Variants in PGR observed in about 807,000 individuals in gnomAD.
The protein encoded by PGR is progesterone receptor, also known as nuclear receptor subfamily 3 group C member 3.
Under a neutral mutation model 76.1 loss-of-function variants are expected in PGR, and 25 were observed. The ratio of observed to expected loss-of-function variants is 0.33; its 90% CI spans 0.24 to 0.46. PGR has a LOEUF of 0.46. PGR is among the 20% of genes least tolerant of loss of function. The pLI is 1.00. For synonymous variants in PGR, 579 were observed against 535.0 expected, an observed-to-expected ratio of 1.08 and a Z score of -1.14; for missense variants, 1,172 against 1,225.3, an observed-to-expected ratio of 0.96 and a Z score of 0.65.
In PGR at chr11:101,062,333, T is replaced by C. The variant is rs961874177; in HGVS notation, c.2212+114A>G. On this transcript the variant is annotated intron_variant, in intron 4 of 7. Coordinates refer to ENST00000325455, the MANE Select transcript of PGR (RefSeq NM_000926.4). ...AACTGCTCAAACACATACTATCACATACTGTTTTATATTGTAGTTAATTTA... is the reference window on the plus strand; with the variant it reads ...AACTGCTCAAACACATACTATCACACACTGTTTTATATTGTAGTTAATTTA... 5 of 801,046 alleles carry C rather than the reference T, an allele frequency of 6.2e-6. No homozygotes were observed. The East Asian group carries it at 1.1e-4, about 17-fold the overall frequency. 49.6% of individuals were successfully genotyped at this position (801,046 alleles called of 1,614,324 possible).
chr11:101,037,509 TAAG>T lies in PGR; in HGVS notation c.*1604_*1606del, dbSNP rs1859550097. 1 of 227,158 alleles carries T rather than the reference TAAG, an allele frequency of 4.4e-6. No individual in the cohort carries two copies. Among genetic ancestry groups the T allele is most frequent in the African/African-American group, 2.2e-5 (1 of 45,070 alleles). 14.1% of individuals were successfully genotyped at this position (227,158 alleles called of 1,614,324 possible). A position where few individuals can be genotyped will look rare whatever the true frequency, so the allele number is the denominator to read the frequency against. ...AAAACAATTTAAGGCTACATAAACA[TAAG>T]AAATAATTGTTTTGTGGAATTTTGC... is the stretch of plus-strand genomic sequence containing the variant. On this transcript the variant is annotated 3_prime_UTR_variant, in exon 8 of 8. Transcript: ENST00000325455.
At chr11:101,116,978 G>C (rs948429436) in intron 2 of PGR, among the ~76,000 whole-genome samples, 2 of 151,894 alleles carry the variant, frequency 1.3e-5, no homozygotes, top group African/African-American at 4.8e-5. Context: ...TCATTGCAAG[G>C]GTATACCACA....
intron 2 of PGR, among the ~76,000 whole-genome samples, chr11:101,115,170 C>T (rs966011294): frequency 2.6e-5 from 4 of 152,064 alleles, no homozygotes; most frequent in Non-Finnish European, 4.4e-5. Flanking sequence ...AATTGTCCTT[C>T]TGCTCAGTCT....
At chr11:101,124,108 G>T (rs144843450) in intron 2 of PGR, among the ~76,000 whole-genome samples, 2 of 152,166 alleles carry the variant, frequency 1.3e-5, no homozygotes, top group African/African-American at 4.8e-5. Context: ...CTAGTTTCAT[G>T]AATGATTTAT....
rs1353967419 is a variant in PGR at position 101,128,177 on chromosome 11, G to A, written c.894C>T (p.Thr298=). Residue 298 remains threonine (T), a synonymous_variant, in exon 1 of 8, where the codon ACC becomes ACT. Coordinates refer to ENST00000325455, the MANE Select transcript of PGR (RefSeq NM_000926.4). ...PMAPGRSPLA[T]TVMDFIHVPI... is the part of the protein sequence containing the mutation. ...GCACGTGGATGAAATCCATCACCGTGGTGGCCAGCGGGGAGCGCCCGGGCG... is the reference window on the plus strand; with the variant it reads ...GCACGTGGATGAAATCCATCACCGTAGTGGCCAGCGGGGAGCGCCCGGGCG... The A allele has an allele frequency of 6.3e-7, 1 of 1,598,446 alleles. No homozygotes were observed. Among genetic ancestry groups the A allele is most frequent in the South Asian group, 1.1e-5 (1 of 91,082 alleles).
chr11:101,082,181 T>C (rs1038710132), intron 3 of PGR, among the ~76,000 whole-genome samples: 6 of 152,196 alleles, frequency 3.9e-5, no homozygotes, highest in Non-Finnish European at 5.9e-5. Flanking sequence ...GCTTCCCATT[T>C]GCCTTCCACC....
rs1413863749 is a variant in PGR at position 101,039,077 on chromosome 11, T to C, written c.*39A>G. On this transcript the variant is annotated 3_prime_UTR_variant, in exon 8 of 8. Coordinates refer to ENST00000325455, the MANE Select transcript of PGR (RefSeq NM_000926.4). ...TAATCCTGACCAAAACAAAAAGACA[T>C]ACCACAAAATTTAATTCTTTAAAAG... 1 of 1,550,276 alleles carries C rather than the reference T, an allele frequency of 6.5e-7. No individual in the cohort carries two copies. Among genetic ancestry groups the C allele is most frequent in the Admixed American group, 1.7e-5 (1 of 59,580 alleles).
chr11:101,033,406 T>A lies in PGR; in HGVS notation c.*5710A>T, dbSNP rs1859410824. 5.2e-6 allele frequency: 1 copy of A among 192,262 alleles called. No individual in the cohort carries two copies. Among genetic ancestry groups the A allele is most frequent in the East Asian group, 8.3e-5 (1 of 12,100 alleles). 11.9% of individuals were successfully genotyped at this position (192,262 alleles called of 1,614,324 possible). A position where few individuals can be genotyped will look rare whatever the true frequency, so the allele number is the denominator to read the frequency against. On this transcript the variant is annotated 3_prime_UTR_variant, in exon 8 of 8. Transcript: ENST00000325455. ...CCCTTAGAAAAAGATAACTTAATTGTATGTAATATATTATGACCCCAAAGC... is the reference window on the plus strand; with the variant it reads ...CCCTTAGAAAAAGATAACTTAATTGAATGTAATATATTATGACCCCAAAGC...
intron 6 of PGR, among the ~76,000 whole-genome samples, chr11:101,042,924 G>A (rs1233784824): frequency 6.6e-6 from 1 of 152,166 alleles, no homozygotes; most frequent in African/African-American, 2.4e-5. Context: ...AGTCTTCCCT[G>A]AGTCAAAATC....
intron 7 of PGR, among the ~76,000 whole-genome samples, chr11:101,039,593 A>T (rs1859630805): frequency 6.6e-6 from 1 of 151,972 alleles, no homozygotes; most frequent in Non-Finnish European, 1.5e-5. Context: ...ATACAGACAT[A>T]CCCAAGCATA....
intron 3 of PGR, among the ~76,000 whole-genome samples, chr11:101,091,144 T>C (rs1861663052): frequency 6.6e-6 from 1 of 152,244 alleles, no homozygotes. Context: ...CACTCTGCTA[T>C]GTTTTCATTC....
intron 3 of PGR, among the ~76,000 whole-genome samples, chr11:101,068,119 T>C (rs1410348252): frequency 6.6e-6 from 1 of 152,164 alleles, no homozygotes; most frequent in Non-Finnish European, 1.5e-5. Flanking sequence ...CTATATGTCA[T>C]TTGCTTTATG....
chr11:101,122,767 A>G lies in PGR; in HGVS notation c.1789+3240T>C, dbSNP rs191969452. 3.9e-3 allele frequency among the ~76,000 whole-genome samples: 587 copies of G among 152,254 alleles called. 4 individuals carry two copies. The highest frequency in any genetic ancestry group is 3.2e-3 in the Non-Finnish European group (216 of 68,020). On this transcript the variant is annotated intron_variant, in intron 2 of 7. Transcript: ENST00000325455. The stretch of plus-strand genomic sequence containing the variant: ...ATCCAGGGAAACCCAGTCATCCAGA[A>G]TGACTTTATAGGCTTTATCACCTCC...
chr11:101,038,928 A>G lies in PGR; in HGVS notation c.*188T>C, dbSNP rs1302026178. ...AAATATGGGTAAACAAAACAGTTAA[A>G]CATTCTAATTATACTTTATAAAAGA... On this transcript the variant is annotated 3_prime_UTR_variant, in exon 8 of 8. Transcript: ENST00000325455. 1.9e-6 allele frequency: 1 copy of G among 513,382 alleles called. No individual in the cohort carries two copies. The highest frequency in any genetic ancestry group is 3.4e-6 in the Non-Finnish European group (1 of 291,422). 31.8% of individuals were successfully genotyped at this position (513,382 alleles called of 1,614,324 possible). A position where few individuals can be genotyped will look rare whatever the true frequency, so the allele number is the denominator to read the frequency against.
chr11:101,089,032 GGAA>G (rs899863408), intron 3 of PGR, among the ~76,000 whole-genome samples: 37 of 152,256 alleles, frequency 2.4e-4, no homozygotes, highest in Admixed American at 1.2e-3. Context: ...AGAGGAGGAA[GGAA>G]GAAGAAGAAA....
intron 3 of PGR, among the ~76,000 whole-genome samples, chr11:101,078,841 C>T (rs1297449445): frequency 6.6e-6 from 1 of 152,088 alleles, no homozygotes; most frequent in African/African-American, 2.4e-5. Context: ...TTCTAATATT[C>T]TCTCATGTTT....
At position 101,128,207 on chromosome 11, in the gene PGR, C is replaced by T. The variant is rs771899325; in HGVS notation, c.864G>A (p.Pro288=). Residue 288 remains proline, a synonymous_variant, in exon 1 of 8, where the codon CCG becomes CCA. Coordinates refer to ENST00000325455, the MANE Select transcript of PGR (RefSeq NM_000926.4). The part of the protein sequence containing the change: ...PRVALVEQDA[P]MAPGRSPLAT... ...CCAGCGGGGAGCGCCCGGGCGCCAT[C>T]GGCGCGTCCTGCTCCACCAGGGCGA... 1 of 1,598,152 alleles carries T rather than the reference C, an allele frequency of 6.3e-7. No individual in the cohort carries two copies. Among genetic ancestry groups the T allele is most frequent in the African/African-American group, 1.3e-5 (1 of 74,916 alleles).
chr11:101,049,799 G>A (rs1860026890), intron 6 of PGR, 130 bp downstream of exon 6: 1 of 680,034 alleles, frequency 1.5e-6, no homozygotes. Context: ...CAATATATTG[G>A]GTATTTCTTC....
chr11:101,076,919 ATTTTTTTTTT>A (rs59106149), intron 3 of PGR, among the ~76,000 whole-genome samples: 18,814 of 65,640 alleles, frequency 0.29, 2,657 homozygotes, highest in East Asian at 0.79. Flanking sequence ...TACAAATGGA[ATTTTTTTTTT>A]TTTTTTTTTT....
Sources: gnomAD v4.1 joint callset for allele counts (sites outside exome capture counted in the v4.1 genomes callset) on GRCh38, gnomAD v4.1.1 for gene constraint, MANE v1.5 for transcripts, NCBI Gene and HGNC (gene_info 2026-07-23, HGNC 2026-07-21) for gene names.